PDE11A: variants seen among roughly 807,000 people sequenced by gnomAD.
The protein encoded by PDE11A is dual 3',5'-cyclic-AMP and -GMP phosphodiesterase 11A.
Under a neutral mutation model 100.5 loss-of-function variants are expected in PDE11A, and 100 were observed. The observed-to-expected ratio is 1.00, with a 90% confidence interval of 0.85 to 1.18. The LOEUF is 1.18. Among genes scored for constraint, PDE11A ranks in the 50% most tolerant of loss-of-function variants. PDE11A has a pLI of 0.00. For synonymous variants in PDE11A, 381 were observed against 420.8 expected (o/e 0.91, Z 1.16); for missense variants, 1,141 against 1,152.6 (o/e 0.99, Z 0.15).
chr2:178,052,364 G>A (rs573295383), intron 1 of PDE11A, among the ~76,000 whole-genome samples: 75 of 152,330 alleles, frequency 4.9e-4, no homozygotes, highest in Non-Finnish European at 1.9e-4. Flanking sequence ...ATTTAAAGCA[G>A]TGTGTAGAGG....
intron 1 of PDE11A, among the ~76,000 whole-genome samples, chr2:178,026,973 C>G (rs917758208): frequency 4.6e-5 from 7 of 152,086 alleles, no homozygotes; most frequent in Admixed American, 1.3e-4. Context: ...TTACTCAAAC[C>G]CTGCCAAGAC....
chr2:177,788,154 C>A (rs1268611577), intron 9 of PDE11A, among the ~76,000 whole-genome samples: 2 of 151,930 alleles, frequency 1.3e-5, no homozygotes, highest in African/African-American at 4.8e-5. Flanking sequence ...GTCTCCTCAG[C>A]AAATGTAAAA....
intron 12 of PDE11A, among the ~76,000 whole-genome samples, chr2:177,714,288 C>T (rs2081404104): frequency 6.6e-6 from 1 of 152,184 alleles, no homozygotes; most frequent in Non-Finnish European, 1.5e-5. Flanking sequence ...CCACTACGCC[C>T]AGCCCCCCAC....
intron 4 of PDE11A, among the ~76,000 whole-genome samples, chr2:177,876,903 C>G (rs368699455): frequency 6.8e-6 from 1 of 147,962 alleles, no homozygotes; most frequent in Admixed American, 6.7e-5. Context: ...AACAGGAGAA[C>G]AAGCATACAA....
chr2:178,025,230 G>A (rs1441283537), intron 1 of PDE11A, among the ~76,000 whole-genome samples: 1 of 152,170 alleles, frequency 6.6e-6, no homozygotes, highest in Non-Finnish European at 1.5e-5. Flanking sequence ...GACCTGAAGT[G>A]GTGTAGTTGG....
chr2:177,782,822 TTTC>T (rs1251663309), intron 9 of PDE11A, among the ~76,000 whole-genome samples: 2 of 152,142 alleles, frequency 1.3e-5, no homozygotes, highest in East Asian at 3.9e-4. Flanking sequence ...TTTCTCTCCC[TTTC>T]TTTTCTTTCT....
rs181778803 is a variant in PDE11A, at chr2:178,055,753, A to G, written c.912+15773T>C. On this transcript the variant is annotated intron_variant, in intron 1 of 19. Coordinates refer to ENST00000286063, the MANE Select transcript of PDE11A (RefSeq NM_016953.4). The stretch of plus-strand genomic sequence containing the variant: ...AGCCCTACAGGAAGAGATAGAAAGA[A>G]AAGTCATCTGATGCTCCTTTATTCA... 3.9e-3 allele frequency among the ~76,000 whole-genome samples: 594 copies of G among 152,312 alleles called. 7 individuals are homozygous for G. Among genetic ancestry groups the G allele is most frequent in the Non-Finnish European group, 4.1e-3 (280 of 68,032 alleles).
intron 12 of PDE11A, among the ~76,000 whole-genome samples, chr2:177,724,444 G>A (rs1170179879): frequency 6.6e-6 from 1 of 151,996 alleles, no homozygotes; most frequent in Non-Finnish European, 1.5e-5. Context: ...GTGATTTTAG[G>A]GTTAAAGGTT....
At chr2:177,742,357 G>T (rs190457848) in intron 10 of PDE11A, among the ~76,000 whole-genome samples, 3 of 152,224 alleles carry the variant, frequency 2.0e-5, no homozygotes, top group Admixed American at 2.0e-4. Flanking sequence ...CCCCTGGCCT[G>T]CAGCTCTAAT....
intron 2 of PDE11A, among the ~76,000 whole-genome samples, chr2:177,987,712 CTCT>C (rs1361025469): frequency 2.6e-4 from 39 of 152,170 alleles, no homozygotes; most frequent in Non-Finnish European, 7.3e-5. Flanking sequence ...GGGGTCAACT[CTCT>C]TCTTATAGAA....
chr2:177,778,189 T>C (rs187243588), intron 9 of PDE11A, among the ~76,000 whole-genome samples: 45 of 152,336 alleles, frequency 3.0e-4, no homozygotes, highest in African/African-American at 1.1e-3. Flanking sequence ...AGCTATGAGA[T>C]AGGACCACTG....
chr2:178,050,269 C>A (rs955706109), intron 1 of PDE11A, among the ~76,000 whole-genome samples: 2 of 152,232 alleles, frequency 1.3e-5, no homozygotes, highest in African/African-American at 4.8e-5. Context: ...CAAACTCCAA[C>A]AGACCTGCAG....
At position 177,669,123 on chromosome 2, in the gene PDE11A, A is replaced by G. The variant is rs2105486757; in HGVS notation, c.2562+370T>C. Among the ~76,000 whole-genome samples, 2 of 152,350 alleles carry G rather than the reference A, an allele frequency of 1.3e-5. 1 individual carries two copies. The highest frequency in any genetic ancestry group is 4.1e-4 in the South Asian group (2 of 4,824). On this transcript the variant is annotated intron_variant, in intron 18 of 19. Transcript: ENST00000286063. Reference sequence around the variant, plus strand: ...TGAAAGTTGGAAATTGGAAAATAAAATCTAGCTTCTCAAAGCTAGAAAGCC... The same window carrying G: ...TGAAAGTTGGAAATTGGAAAATAAAGTCTAGCTTCTCAAAGCTAGAAAGCC...
intron 19 of PDE11A, among the ~76,000 whole-genome samples, chr2:177,658,067 C>T (rs1163707167): frequency 6.6e-6 from 1 of 152,098 alleles, no homozygotes; most frequent in Non-Finnish European, 1.5e-5. Flanking sequence ...CTCATCACAC[C>T]CACACCATAG....
intron 19 of PDE11A, among the ~76,000 whole-genome samples, chr2:177,658,551 C>T (rs2080425978): frequency 6.6e-6 from 1 of 151,448 alleles, no homozygotes; most frequent in Non-Finnish European, 1.5e-5. Context: ...TTCCTCCCTC[C>T]TTCTTTCTTC....
chr2:178,068,998 A>C (rs1258582823), intron 1 of PDE11A, among the ~76,000 whole-genome samples: 1 of 152,206 alleles, frequency 6.6e-6, no homozygotes, highest in African/African-American at 2.4e-5. Context: ...AGCATGGAAA[A>C]GATTAGGCTG....
At chr2:177,983,784 G>C (rs774512001) in intron 2 of PDE11A, among the ~76,000 whole-genome samples, 2 of 152,118 alleles carry the variant, frequency 1.3e-5, no homozygotes, top group Non-Finnish European at 2.9e-5. Flanking sequence ...AGAATTATTA[G>C]TTCACTAGAT....
At chr2:177,883,374 C>T (rs2084378305) in intron 4 of PDE11A, among the ~76,000 whole-genome samples, 2 of 152,126 alleles carry the variant, frequency 1.3e-5, no homozygotes, top group South Asian at 4.1e-4. Flanking sequence ...TTCATGCAGT[C>T]AGCATTTATC....
intron 19 of PDE11A, among the ~76,000 whole-genome samples, chr2:177,648,905 G>A (rs1400767439): frequency 6.6e-6 from 1 of 151,984 alleles, no homozygotes; most frequent in African/African-American, 2.4e-5. Context: ...TAGATAGTGA[G>A]CTCCTATGGA....
Sources: gnomAD v4.1 joint callset for allele counts (sites outside exome capture counted in the v4.1 genomes callset) on GRCh38, gnomAD v4.1.1 for gene constraint, MANE v1.5 for transcripts, NCBI Gene and HGNC (gene_info 2026-07-23, HGNC 2026-07-21) for gene names.